HSPG2: variants seen among roughly 807,000 people sequenced by gnomAD.
The protein encoded by HSPG2 is basement membrane-specific heparan sulfate proteoglycan core protein.
Under a neutral mutation model 526.6 loss-of-function variants are expected in HSPG2, and 278 were observed. That is an observed-to-expected ratio of 0.53 (90% CI 0.48 to 0.58). HSPG2 has a LOEUF of 0.58. Among genes scored for constraint, HSPG2 ranks in the 20% least tolerant of loss-of-function variants. HSPG2 has a pLI of 0.00. For synonymous variants in HSPG2, 2,465 were observed against 2,555.4 expected (o/e 0.96, Z 1.07); for missense variants, 5,354 against 6,099.5 (o/e 0.88, Z 4.07).
Position 21,831,025 on chromosome 1 carries a change from G to A in HSPG2, c.11628C>T (p.Thr3876=), listed in dbSNP as rs375746090. ...SYVCVCPAGF[T]GSRCEHSQAL... ...CCTGCGAGTGCTCACAGCGGCTCCC[G>A]GTGAAGCCAGCTGGGCAGACGCACA... Residue 3876 remains threonine, a synonymous_variant, in exon 85 of 97, where the codon ACC becomes ACT. Transcript: ENST00000374695. 1.4e-5 allele frequency: 23 copies of A among 1,590,804 alleles called. No homozygotes were observed. The highest frequency in any genetic ancestry group is 5.4e-5 in the African/African-American group (4 of 74,742).
Position 21,846,596 on chromosome 1 carries a change from G to A in HSPG2, c.8168C>T (p.Pro2723Leu), listed in dbSNP as rs1638456053. The change falls in exon 63 of 97, where the codon CCT (proline) becomes CTT (leucine). Residue 2723 changes from proline (P) to leucine (L), a missense_variant. Transcript: ENST00000374695. ...VSPSAGSPSAPGSSMPIRIES... is the reference protein window; with the variant it reads ...VSPSAGSPSALGSSMPIRIES... ...AATTCTGATGGGCATGGAGCTGCCA[G>A]GGGCTGGGGGAACAGAGATCAGTGA... 1.2e-6 allele frequency: 2 copies of A among 1,613,584 alleles called. No individual in the cohort carries two copies. Among genetic ancestry groups the A allele is most frequent in the South Asian group, 1.1e-5 (1 of 91,092 alleles).
Position 21,855,602 on chromosome 1 carries a change from G to T in HSPG2, c.5775C>A (p.Pro1925=). 1 of 1,583,834 alleles carries T rather than the reference G, an allele frequency of 6.3e-7. No homozygotes were observed. Residue 1925 remains proline (P), a synonymous_variant, in exon 46 of 97, where the codon CCC becomes CCA. Transcript: ENST00000374695. ...GGCACAAGTACTGGGCCTGATCCGT[G>T]GGCTCGACAGCTGGCAGGCGCAGGA... ...GGILRLPAVE[P]TDQAQYLCRA... is the part of the protein sequence containing the mutation.
intron 38 of HSPG2, 38 bp downstream of exon 38, chr1:21,861,950 T>G: frequency 6.2e-7 from 1 of 1,614,190 alleles, no homozygotes; most frequent in Non-Finnish European, 8.5e-7. Flanking sequence ...CATTCCCCAG[T>G]GGAAGTGTGT....
Position 21,856,241 on chromosome 1 carries a change from G to C in HSPG2, c.5576-329C>G, listed in dbSNP as rs559803083. Among the ~76,000 whole-genome samples the C allele has an allele frequency of 2.0e-5, 3 of 152,234 alleles. No homozygotes were observed. The South Asian group carries it at 6.2e-4, about 32-fold the overall frequency. On this transcript the variant is annotated intron_variant, in intron 44 of 96. Transcript: ENST00000374695. ...TCTGCTGTTCCTCAAACATAGCAAC[G>C]TGCTCCTGCCTCAGGGCCTTGCCAT...
rs1259215211 is a variant in HSPG2 at position 21,854,631 on chromosome 1, T to C, written c.6268A>G (p.Ser2090Gly). The C allele has an allele frequency of 1.3e-6, 2 of 1,575,070 alleles. No homozygotes were observed. Among genetic ancestry groups the C allele is most frequent in the East Asian group, 2.3e-5 (1 of 42,986 alleles). ...AQVTWYRRGGSLPPHTQVHGS... is the reference protein window; with the variant it reads ...AQVTWYRRGGGLPPHTQVHGS... Reference sequence around the variant, plus strand: ...CATACCTGGGTGTGGGGAGGCAGGCTACCCCCTCGCCTGTACCAGGTGACC... The same window carrying C: ...CATACCTGGGTGTGGGGAGGCAGGCCACCCCCTCGCCTGTACCAGGTGACC... Residue 2090 changes from serine (S) to glycine (G), a missense_variant, in exon 49 of 97, where the codon AGC (serine) becomes GGC (glycine). Ser to Gly is a moderately conservative substitution (Grantham distance 56, BLOSUM62 0). Transcript: ENST00000374695.
In HSPG2 at chr1:21,842,755, T is replaced by A; in HGVS notation, c.8910+15A>T. The A allele has an allele frequency of 1.2e-6, 2 of 1,612,558 alleles. No individual in the cohort carries two copies. Among genetic ancestry groups the A allele is most frequent in the Non-Finnish European group, 1.7e-6 (2 of 1,180,014 alleles). On this transcript the variant is annotated intron_variant, in intron 67 of 96. Transcript: ENST00000374695. ...CTTGCCTGACCTGGAATCCTCCCCA[T>A]CCTGGCCCCTGTACCTGGTGCCGGG...
Position 21,881,373 on chromosome 1 carries a change from A to G in HSPG2, c.1784T>C (p.Phe595Ser), listed in dbSNP as rs765379406. The G allele has an allele frequency of 1.2e-6, 2 of 1,614,154 alleles. No homozygotes were observed. Among genetic ancestry groups the G allele is most frequent in the East Asian group, 2.2e-5 (1 of 44,882 alleles). The stretch of plus-strand genomic sequence containing the variant: ...CAGGAACTGTTCAGGCAGAGCCCAG[A>G]AGGAGTCGTGGACGAGGAAGCGGCG... ...LSRRFLVHDS[F>S]WALPEQFLGN... The change falls in exon 14 of 97, where the codon TTC (phenylalanine) becomes TCC (serine). Residue 595 changes from phenylalanine (F) to serine (S), a missense_variant. Physicochemically the swap from Phe to Ser is radical, Grantham distance 155 (BLOSUM62 -2). Transcript: ENST00000374695.
At chr1:21,875,287 A>T in intron 25 of HSPG2, 1 of 595,968 alleles carries the variant, frequency 1.7e-6, no homozygotes, top group South Asian at 2.0e-5. Flanking sequence ...CGGGCCTGAA[A>T]GAACGATCAC....
In HSPG2 at chr1:21,887,251, A is replaced by T. The variant is rs1641968875; in HGVS notation, c.1042T>A (p.Phe348Ile). The T allele has an allele frequency of 1.2e-6, 2 of 1,613,688 alleles. No homozygotes were observed. The highest frequency in any genetic ancestry group is 3.3e-5 in the Admixed American group (2 of 59,920). The change falls in exon 9 of 97, where the codon TTT (phenylalanine) becomes ATT (isoleucine). Residue 348 changes from phenylalanine to isoleucine, a missense_variant. Physicochemically the swap from Phe to Ile is conservative, Grantham distance 21. Coordinates refer to ENST00000374695, the MANE Select transcript of HSPG2 (RefSeq NM_005529.7). The surrounding 1 kb of genome is among the most constrained non-coding windows in gnomAD (Gnocchi z 5.0). ...ALKLWRCDGDFDCEDRTDEAN... is the reference protein window; with the variant it reads ...ALKLWRCDGDIDCEDRTDEAN... ...TCATCAGTTCGGTCCTCACAGTCAA[A>T]GTCACCATCGCAGCGCCACAGCTTG... is the stretch of plus-strand genomic sequence containing the variant.
chr1:21,914,248 A>G (rs1643815037), intron 1 of HSPG2, among the ~76,000 whole-genome samples: 1 of 152,192 alleles, frequency 6.6e-6, no homozygotes, highest in Non-Finnish European at 1.5e-5. Flanking sequence ...GAAATACAGC[A>G]GGGTGAGGGG....
At position 21,857,069 on chromosome 1, in the gene HSPG2, T is replaced by C; in HGVS notation, c.5521A>G (p.Thr1841Ala). ...TCCATGGCAAACATGTTGGAGCCGG[T>C]GCACACGTAGGTGCCTGCATCACTC... ...QLSDAGTYVCTGSNMFAMDQG... is the reference protein window; with the variant it reads ...QLSDAGTYVCAGSNMFAMDQG... The change falls in exon 44 of 97, where the codon ACC becomes GCC. Residue 1841 changes from threonine (T) to alanine (A), a missense_variant. Transcript: ENST00000374695. The C allele has an allele frequency of 6.2e-7, 1 of 1,614,178 alleles. No homozygotes were observed. The highest frequency in any genetic ancestry group is 8.5e-7 in the Non-Finnish European group (1 of 1,180,038).
At chr1:21,923,766 T>A (rs1569635939) in intron 1 of HSPG2, among the ~76,000 whole-genome samples, 1 of 150,990 alleles carries the variant, frequency 6.6e-6, no homozygotes, top group South Asian at 2.1e-4. Flanking sequence ...CTCTCCCCTA[T>A]CAGACCACAA....
chr1:21,854,199 T>C lies in HSPG2; in HGVS notation c.6433A>G (p.Thr2145Ala), dbSNP rs1639149643. The C allele has an allele frequency of 1.9e-6, 3 of 1,587,710 alleles. No individual in the cohort carries two copies. Among genetic ancestry groups the C allele is most frequent in the Non-Finnish European group, 2.6e-6 (3 of 1,166,060 alleles). Residue 2145 changes from threonine (T) to alanine (A), a missense_variant, in exon 50 of 97, where the codon ACC (threonine) becomes GCC (alanine). By Grantham distance (58) the Thr-to-Ala change is moderately conservative. Coordinates refer to ENST00000374695, the MANE Select transcript of HSPG2 (RefSeq NM_005529.7). ...LHGTHSGPSY[T>A]PVPGSTRPIR... ...GCCACACCTGGCTCCTCACCTGGGG[T>C]GTAGCTGGGGCCAGAATGGGTGCCG...
rs2152723279 is a variant in HSPG2, at chr1:21,854,259, G to A, written c.6373C>T (p.Pro2125Ser). The A allele has an allele frequency of 6.3e-7, 1 of 1,588,478 alleles. No individual in the cohort carries two copies. Among genetic ancestry groups the A allele is most frequent in the East Asian group, 2.3e-5 (1 of 43,802 alleles). Residue 2125 changes from proline (P) to serine (S), a missense_variant, in exon 50 of 97, where the codon CCC (proline) becomes TCC (serine). Physicochemically the swap from Pro to Ser is moderately conservative, Grantham distance 74. Coordinates refer to ENST00000374695, the MANE Select transcript of HSPG2 (RefSeq NM_005529.7). The stretch of plus-strand genomic sequence containing the variant: ...GACACAGTAATGGAGGCCTCCTTGG[G>A]GCCCGATCCATTCTCCACACGGCAC... ...YVCRVENGSG[P>S]KEASITVSVL...
chr1:21,838,665 G>A (rs1301643417), intron 74 of HSPG2, among the ~76,000 whole-genome samples, 160 bp downstream of exon 74: 1 of 152,216 alleles, frequency 6.6e-6, no homozygotes, highest in Non-Finnish European at 1.5e-5. Context: ...GGGCTTCCTG[G>A]AGGTGGCAAG....
In HSPG2 at chr1:21,851,776, G is replaced by A. The variant is rs373157067; in HGVS notation, c.7006+15C>T. 59 of 1,613,992 alleles carry A rather than the reference G, an allele frequency of 3.7e-5. No homozygotes were observed. The highest frequency in any genetic ancestry group is 1.6e-4 in the Middle Eastern group (1 of 6,062). On this transcript the variant is annotated intron_variant, in intron 54 of 96. Transcript: ENST00000374695. The stretch of plus-strand genomic sequence containing the variant: ...TGTTCTCTGCATCCCAGCCCAGCCT[G>A]GTGGCCCCACTCACGGTAGGCTAAG...
intron 85 of HSPG2, chr1:21,830,752 G>T (rs1421107509): frequency 7.2e-6 from 4 of 553,626 alleles, no homozygotes; most frequent in Non-Finnish European, 1.3e-5. Flanking sequence ...TGGCGGGGTA[G>T]TGGTAAGAAT....
chr1:21,924,111 G>T (rs892985043), intron 1 of HSPG2, among the ~76,000 whole-genome samples: 106 of 152,298 alleles, frequency 7.0e-4, no homozygotes, highest in Non-Finnish European at 1.9e-4. Context: ...AGGGCACAGG[G>T]GCCATCTCCT....
rs958446471 is a variant in HSPG2, at chr1:21,864,800, C to T, written c.4626+43G>A. ...CGCCGGCTGATTTGCTTGCTGATGC[C>T]TCTGTGCCTGTGCAGAGGTGGTGGA... On this transcript the variant is annotated intron_variant, in intron 36 of 96. Transcript: ENST00000374695. This position sits in a 1 kb window ranked among gnomAD's most constrained non-coding sequence, Gnocchi z 4.8. 16 of 1,528,956 alleles carry T rather than the reference C, an allele frequency of 1.0e-5. No homozygotes were observed. The highest frequency in any genetic ancestry group is 1.8e-5 in the Admixed American group (1 of 56,012). The allele number at this position is 1,528,956 out of a possible 1,614,324, so 94.7% of individuals were successfully genotyped here.
Sources: gnomAD v4.1 joint callset for allele counts (sites outside exome capture counted in the v4.1 genomes callset) on GRCh38, gnomAD v4.1.1 for gene constraint, Gnocchi (gnomAD v3.1) non-coding constraint, MANE v1.5 for transcripts, NCBI Gene and HGNC (gene_info 2026-07-23, HGNC 2026-07-21) for gene names.